Variants in GRPEL2 observed in about 807,000 individuals in gnomAD.
GRPEL2 encodes GrpE like 2, mitochondrial, also known as grpE protein homolog 2, mitochondrial.
Under a neutral mutation model 25.9 loss-of-function variants are expected in GRPEL2, and 18 were observed. The observed-to-expected ratio is 0.70, with a 90% confidence interval of 0.48 to 1.03. The LOEUF (loss-of-function observed/expected upper bound fraction) is 1.03, where lower values mean the gene tolerates loss of function less well. Ranked by LOEUF, GRPEL2 falls within the 50% of genes least tolerant of loss-of-function variation. The pLI, the probability that GRPEL2 is intolerant of heterozygous loss-of-function variation, is 0.00. For synonymous variants in GRPEL2, 106 were observed against 107.9 expected (o/e 0.98, Z 0.11); for missense variants, 247 against 276.2 (o/e 0.89, Z 0.75).
At chr5:149,349,573 T>G in intron 2 of GRPEL2, 81 bp from the exon 3 acceptor site, 1 of 1,031,764 alleles carries the variant, frequency 9.7e-7, no homozygotes. Flanking sequence ...AAGGGTGAAA[T>G]TTGTAAAGTA....
In GRPEL2 at chr5:149,354,253, T is replaced by C. The variant is rs1757821936; in HGVS notation, c.*2971T>C. On this transcript the variant is annotated 3_prime_UTR_variant, in exon 4 of 4. Transcript: ENST00000329271. ...CTCTTAGTTATTTTCATCTTAATGG[T>C]ATAGTGAAAAGACATTGACTTGAGA... is the stretch of plus-strand genomic sequence containing the variant. 1 of 152,202 alleles carries C rather than the reference T, an allele frequency of 6.6e-6. No homozygotes were observed. The highest frequency in any genetic ancestry group is 1.5e-5 in the Non-Finnish European group (1 of 68,040). 9.4% of individuals were successfully genotyped at this position (152,202 alleles called of 1,614,324 possible).
intron 2 of GRPEL2, among the ~76,000 whole-genome samples, chr5:149,348,831 T>C (rs1004727646): frequency 2.0e-5 from 3 of 152,174 alleles, no homozygotes; most frequent in Admixed American, 6.5e-5. Flanking sequence ...TAGAGGGAGA[T>C]AGATAAACTA....
chr5:149,345,936 G>A (rs1757682263), intron 1 of GRPEL2: 1 of 366,818 alleles, frequency 2.7e-6, no homozygotes, highest in East Asian at 5.7e-5. Context: ...GGTACCTGTG[G>A]GTAAATTTGG....
chr5:149,346,136 G>T (rs1236009191), intron 1 of GRPEL2, among the ~76,000 whole-genome samples: 1 of 152,138 alleles, frequency 6.6e-6, no homozygotes, highest in Non-Finnish European at 1.5e-5. Context: ...AATTATGGGT[G>T]GTTCTTTTTA....
Position 149,351,534 on chromosome 5 carries a change from T to C in GRPEL2, c.*252T>C. The C allele has an allele frequency of 2.8e-6, 1 of 355,234 alleles. No homozygotes were observed. The highest frequency in any genetic ancestry group is 5.1e-6 in the Non-Finnish European group (1 of 194,738). The allele number at this position is 355,234 out of a possible 1,614,324, so 22.0% of individuals were successfully genotyped here. A position where few individuals can be genotyped will look rare whatever the true frequency, so the allele number is the denominator to read the frequency against. On this transcript the variant is annotated 3_prime_UTR_variant, in exon 4 of 4. Coordinates refer to ENST00000329271, the MANE Select transcript of GRPEL2 (RefSeq NM_152407.4). ...CTTTATCAAAACATGTTTAGGAAAA[T>C]TGGTACTGTGATAAATTTGAATCCA... is the stretch of plus-strand genomic sequence containing the variant.
At chr5:149,346,604 C>A (rs374691850) in intron 1 of GRPEL2, among the ~76,000 whole-genome samples, 5 of 151,738 alleles carry the variant, frequency 3.3e-5, no homozygotes, top group African/African-American at 1.2e-4. Context: ...TTCTGGTAAG[C>A]TGTCTCCCTA....
At chr5:149,345,658 A>AGCCAGCCG in intron 1 of GRPEL2, 42 bp downstream of exon 1, 1 of 1,526,752 alleles carries the variant, frequency 6.5e-7, no homozygotes, top group Middle Eastern at 2.2e-4. Context: ...GAGGACTCTG[A>AGCCAGCCG]GGGGCTAGCG....
chr5:149,348,541 C>T (rs181917793), intron 2 of GRPEL2, 116 bp downstream of exon 2: 1 of 794,778 alleles, frequency 1.3e-6, no homozygotes, highest in Non-Finnish European at 1.9e-6. Flanking sequence ...TTATCTGCTA[C>T]CCCTCATCCC....
At position 149,351,903 on chromosome 5, in the gene GRPEL2, T is replaced by C. The variant is rs1372056596; in HGVS notation, c.*621T>C. The C allele has an allele frequency of 6.6e-6, 1 of 152,288 alleles. No homozygotes were observed. Among genetic ancestry groups the C allele is most frequent in the Non-Finnish European group, 1.5e-5 (1 of 68,138 alleles). The allele number at this position is 152,288 out of a possible 1,614,324, so 9.4% of individuals were successfully genotyped here. A position where few individuals can be genotyped will look rare whatever the true frequency, so the allele number is the denominator to read the frequency against. On this transcript the variant is annotated 3_prime_UTR_variant, in exon 4 of 4. Transcript: ENST00000329271. ...AGGGGCTAAAGGTCTAGATGAGACT[T>C]GGAAGGCAAGGAGCATCGAAATTTG...
At chr5:149,346,287 GTTAA>G (rs1757686902) in intron 1 of GRPEL2, among the ~76,000 whole-genome samples, 1 of 152,220 alleles carries the variant, frequency 6.6e-6, no homozygotes, top group African/African-American at 2.4e-5. Context: ...AATGAGCGAT[GTTAA>G]TTAATTTTCT....
Position 149,345,582 on chromosome 5 carries a change from C to T in GRPEL2, c.43C>T (p.Arg15Cys), listed in dbSNP as rs779635668. The change falls in exon 1 of 4, where the codon CGC (arginine) becomes TGC (cysteine). Residue 15 changes from arginine to cysteine, a missense_variant. Physicochemically the swap from Arg to Cys is radical, Grantham distance 180. This residue lies in a region of GRPEL2 where 125 missense variants were observed against 107.0 expected (regional missense o/e 1.17). Transcript: ENST00000329271. Reference protein sequence around the residue: ...SLWAGRLRVQRLLAWSAAWES... With the variant: ...SLWAGRLRVQCLLAWSAAWES... ...GTGGGCGGGCCGGCTGCGGGTGCAG[C>T]GCCTACTGGCCTGGAGTGCCGCGTG... The T allele has an allele frequency of 3.5e-5, 57 of 1,611,746 alleles. 1 individual carries two copies. The South Asian group carries it at 4.9e-4, about 14-fold the overall frequency.
intron 1 of GRPEL2, among the ~76,000 whole-genome samples, chr5:149,346,400 G>A (rs1410766493): frequency 6.6e-6 from 1 of 152,132 alleles, no homozygotes; most frequent in Non-Finnish European, 1.5e-5. Context: ...AGTAAGCTAC[G>A]GGAGAATCTG....
At chr5:149,346,759 A>G (rs1757696811) in intron 1 of GRPEL2, among the ~76,000 whole-genome samples, 1 of 68,016 alleles carries the variant, frequency 1.5e-5, no homozygotes, top group South Asian at 5.8e-4. Context: ...TTTTTTTGAG[A>G]CGGAGTCTCA....
intron 3 of GRPEL2, 107 bp from the exon 4 acceptor site, chr5:149,350,811 C>A (rs1168754351): frequency 2.6e-6 from 3 of 1,161,972 alleles, no homozygotes; most frequent in East Asian, 2.4e-5. Context: ...TTTCCACTTG[C>A]TGGACTACTC....
rs767480586 is a variant in GRPEL2 at position 149,345,504 on chromosome 5, G to A, written c.-36G>A. The A allele has an allele frequency of 6.3e-7, 1 of 1,586,614 alleles. No individual in the cohort carries two copies. The highest frequency in any genetic ancestry group is 8.6e-7 in the Non-Finnish European group (1 of 1,163,372). ...GGGAGCATCTCTTCACTCGCAGCAA[G>A]TGCGCGTGCGCTGCCTCTCAGCCCA... On this transcript the variant is annotated 5_prime_UTR_variant, in exon 1 of 4. It adds an upstream start codon to the 5' untranslated region. Transcript: ENST00000329271.
intron 3 of GRPEL2, chr5:149,349,983 G>A (rs745488967): frequency 5.6e-6 from 3 of 538,788 alleles, no homozygotes; most frequent in South Asian, 2.6e-5. Context: ...GGCAGAGGTT[G>A]CAGTAAGCCA....
rs1257287857 is a variant in GRPEL2 at position 149,352,419 on chromosome 5, A to T, written c.*1137A>T. 1 of 150,276 alleles carries T rather than the reference A, an allele frequency of 6.7e-6. No individual in the cohort carries two copies. Among genetic ancestry groups the T allele is most frequent in the Admixed American group, 6.6e-5 (1 of 15,056 alleles). The allele number at this position is 150,276 out of a possible 1,614,324, so 9.3% of individuals were successfully genotyped here. On this transcript the variant is annotated 3_prime_UTR_variant, in exon 4 of 4. Coordinates refer to ENST00000329271, the MANE Select transcript of GRPEL2 (RefSeq NM_152407.4). ...GTAGCTAGGACTACAGGCGTTCACC[A>T]CTGCGCCCGCAAAGTTTTTTTGTTG...
At chr5:149,349,378 C>A (rs1372325342) in intron 2 of GRPEL2, among the ~76,000 whole-genome samples, 2 of 152,174 alleles carry the variant, frequency 1.3e-5, no homozygotes, top group Admixed American at 6.5e-5. Flanking sequence ...GCAGTGTTGG[C>A]TGAATGTGAA....
chr5:149,345,562 C>A lies in GRPEL2; in HGVS notation c.23C>A (p.Ala8Glu). 6.2e-7 allele frequency: 1 copy of A among 1,611,854 alleles called. No individual in the cohort carries two copies. The highest frequency in any genetic ancestry group is 8.5e-7 in the Non-Finnish European group (1 of 1,179,262). Residue 8 changes from alanine to glutamate, a missense_variant, in exon 1 of 4, where the codon GCG becomes GAG. Around this residue, in one of 2 missense-constraint regions of GRPEL2, gnomAD observed 125 missense variants for 107.0 expected, o/e 1.17. Coordinates refer to ENST00000329271, the MANE Select transcript of GRPEL2 (RefSeq NM_152407.4). ...AACATGGCCGTACGGTCGCTGTGGG[C>A]GGGCCGGCTGCGGGTGCAGCGCCTA... Reference protein sequence around the residue: MAVRSLWAGRLRVQRLLA... With the variant: MAVRSLWEGRLRVQRLLA...
Sources: allele counts gnomAD v4.1 joint callset (sites outside exome capture counted in the v4.1 genomes callset), GRCh38; gene constraint gnomAD v4.1.1; regional missense constraint gnomAD v4.1.1; transcripts MANE v1.5; gene names NCBI Gene and HGNC (gene_info 2026-07-23, HGNC 2026-07-21).